Variants in RBFOX3 observed in about 807,000 individuals in gnomAD.
RBFOX3 encodes the protein RNA binding protein fox-1 homolog 3.
Under a neutral mutation model 48.7 loss-of-function variants are expected in RBFOX3, and 17 were observed. The ratio of observed to expected loss-of-function variants is 0.35; its 90% CI spans 0.24 to 0.52. The LOEUF is 0.52. Ranked by LOEUF, RBFOX3 falls within the 20% of genes least tolerant of loss-of-function variation. The pLI is 0.94. For synonymous variants in RBFOX3, 212 were observed against 209.5 expected, an observed-to-expected ratio of 1.01 and a Z score of -0.10; for missense variants, 382 against 497.5, an observed-to-expected ratio of 0.77 and a Z score of 2.21.
chr17:79,607,923 A>G lies in RBFOX3; in HGVS notation c.-320+2903T>C, dbSNP rs1016356531. On this transcript the variant is annotated intron_variant, in intron 1 of 14. Transcript: ENST00000693108. ...AAGTTGAGTAAGTGACAGGCGCAGG[A>G]CAGAAGGCCCACTCTGGAATGGTAC... Among the ~76,000 whole-genome samples, 762 of 152,326 alleles carry G rather than the reference A, an allele frequency of 5.0e-3. 5 individuals carry two copies. The highest frequency in any genetic ancestry group is 0.018 in the African/African-American group (736 of 41,588).
In RBFOX3 at chr17:79,440,452, T is replaced by C. The variant is rs113731665; in HGVS notation, c.-175+42002A>G. Among the ~76,000 whole-genome samples the C allele has an allele frequency of 6.4e-3, 974 of 152,228 alleles. 12 individuals are homozygous for C. Among genetic ancestry groups the C allele is most frequent in the African/African-American group, 0.022 (910 of 41,534 alleles). On this transcript the variant is annotated intron_variant, in intron 2 of 14. Transcript: ENST00000693108. ...CAGCTCCCTGCCAGCTGGGGCTCCA[T>C]TGGCTATACCTGGGCCGGCCGAAGC...
intron 4 of RBFOX3, among the ~76,000 whole-genome samples, chr17:79,143,816 C>A (rs758043723): frequency 2.0e-5 from 3 of 152,248 alleles, no homozygotes; most frequent in Non-Finnish European, 2.9e-5. Context: ...CTCATGAAGA[C>A]CCCCTCCATT....
chr17:79,349,425 C>T (rs1459355912), intron 2 of RBFOX3, among the ~76,000 whole-genome samples: 1 of 152,040 alleles, frequency 6.6e-6, no homozygotes, highest in African/African-American at 2.4e-5. Flanking sequence ...TCTGTCACCT[C>T]TCACTCTCCT....
intron 1 of RBFOX3, among the ~76,000 whole-genome samples, chr17:79,575,739 A>G (rs1297273250): frequency 9.2e-5 from 14 of 152,344 alleles, no homozygotes; most frequent in African/African-American, 3.4e-4. Context: ...AGAAAGAGCT[A>G]AGTCCTTGCC....
At chr17:79,132,147 G>A (rs745784333) in intron 4 of RBFOX3, among the ~76,000 whole-genome samples, 2 of 151,838 alleles carry the variant, frequency 1.3e-5, no homozygotes, top group South Asian at 2.1e-4. Flanking sequence ...TCAGACGGAC[G>A]GAAACACCAA....
chr17:79,218,644 G>T (rs760646671), intron 4 of RBFOX3, among the ~76,000 whole-genome samples: 3 of 152,174 alleles, frequency 2.0e-5, no homozygotes, highest in Non-Finnish European at 2.9e-5. Context: ...GCTCACACAC[G>T]CCAGGTCAGG....
At chr17:79,644,837 A>T in the RBFOX3 span, among the ~76,000 whole-genome samples, 8 of 152,188 alleles carry the variant, frequency 5.3e-5, no homozygotes, top group Non-Finnish European at 7.4e-5. Flanking sequence ...CTTCCACTCA[A>T]TATAGAAATT....
chr17:79,114,989 T>C (rs2033428659), intron 5 of RBFOX3, among the ~76,000 whole-genome samples: 1 of 152,172 alleles, frequency 6.6e-6, no homozygotes, highest in African/African-American at 2.4e-5. Context: ...AGCTATCTGA[T>C]TGGAGGCCAG....
intron 5 of RBFOX3, among the ~76,000 whole-genome samples, chr17:79,114,922 T>C (rs2033406779): frequency 6.6e-6 from 1 of 152,208 alleles, no homozygotes; most frequent in African/African-American, 2.4e-5. Context: ...TCAGGAAATC[T>C]GAGAAGTGAG....
chr17:79,648,352 G>A, the RBFOX3 span, among the ~76,000 whole-genome samples: 1 of 152,156 alleles, frequency 6.6e-6, no homozygotes, highest in Non-Finnish European at 1.5e-5. Flanking sequence ...TCACGGGCAC[G>A]TCCTCCCCAG....
chr17:79,610,844 G>C lies in RBFOX3; in HGVS notation c.-338C>G, dbSNP rs1397890349. ...TACTCACGGGCTCAGCGCTCCCCGCGGCAGGTGACTGGGGGCCGGCGGCCA... is the reference window on the plus strand; with the variant it reads ...TACTCACGGGCTCAGCGCTCCCCGCCGCAGGTGACTGGGGGCCGGCGGCCA... On this transcript the variant is annotated 5_prime_UTR_variant, in exon 1 of 15. Transcript: ENST00000693108. Among the ~76,000 whole-genome samples, 3 of 151,804 alleles carry C rather than the reference G, an allele frequency of 2.0e-5. No homozygotes were observed. The highest frequency in any genetic ancestry group is 7.2e-5 in the African/African-American group (3 of 41,402).
intron 4 of RBFOX3, among the ~76,000 whole-genome samples, chr17:79,182,000 CAA>C (rs71161649): frequency 3.9e-4 from 53 of 134,620 alleles, no homozygotes; most frequent in Non-Finnish European, 6.1e-4. Context: ...CACACACACA[CAA>C]ACACACAATC....
chr17:79,156,369 G>A (rs2045799416), intron 4 of RBFOX3, among the ~76,000 whole-genome samples: 3 of 152,134 alleles, frequency 2.0e-5, no homozygotes, highest in Admixed American at 2.0e-4. Context: ...ACCAGAGGAA[G>A]AGCCCCTGGT....
intron 1 of RBFOX3, among the ~76,000 whole-genome samples, chr17:79,610,508 G>A (rs1406371806): frequency 6.6e-6 from 1 of 151,862 alleles, no homozygotes; most frequent in Non-Finnish European, 1.5e-5. Flanking sequence ...CAGCGCGCGG[G>A]ACTCCCTGGC....
rs1016575622 is a variant in RBFOX3 at position 79,254,422 on chromosome 17, C to A, written c.-73-18617G>T. 6.6e-6 allele frequency among the ~76,000 whole-genome samples: 1 copy of A among 152,052 alleles called. No homozygotes were observed. Among genetic ancestry groups the A allele is most frequent in the African/African-American group, 2.4e-5 (1 of 41,396 alleles). On this transcript the variant is annotated intron_variant, in intron 3 of 14. Coordinates refer to ENST00000693108, the MANE Select transcript of RBFOX3 (RefSeq NM_001350451.2). The surrounding 1 kb of genome is among the most constrained non-coding windows in gnomAD (Gnocchi z 4.8). ...CTGCCCCCCAATCCAGGACACATGG[C>A]ACCAGGGCCCAGCCTTGAGACCAAC...
intron 1 of RBFOX3, among the ~76,000 whole-genome samples, chr17:79,590,276 C>T (rs2093379857): frequency 6.6e-6 from 1 of 152,196 alleles, no homozygotes; most frequent in Non-Finnish European, 1.5e-5. Flanking sequence ...TGGAAACTTT[C>T]ACATTACTGT....
At chr17:79,383,050 A>ACACACACG (rs2060128635) in intron 2 of RBFOX3, among the ~76,000 whole-genome samples, 1 of 151,546 alleles carries the variant, frequency 6.6e-6, no homozygotes, top group African/African-American at 2.4e-5. Flanking sequence ...ACACACACAC[A>ACACACACG]CACACACACA....
intron 2 of RBFOX3, among the ~76,000 whole-genome samples, chr17:79,394,871 G>C (rs1259577465): frequency 6.6e-6 from 1 of 152,240 alleles, no homozygotes; most frequent in African/African-American, 2.4e-5. Flanking sequence ...TATGAGAAGA[G>C]CTAGGAGAAG....
Position 79,090,745 on chromosome 17 carries a change from G to GAC in RBFOX3, c.*137_*138insGT. 9.1e-7 allele frequency: 1 copy of GAC among 1,099,918 alleles called. No homozygotes were observed. The highest frequency in any genetic ancestry group is 1.3e-6 in the Non-Finnish European group (1 of 780,016). 68.1% of individuals were successfully genotyped at this position (1,099,918 alleles called of 1,614,324 possible). A position where few individuals can be genotyped will look rare whatever the true frequency, so the allele number is the denominator to read the frequency against. On this transcript the variant is annotated 3_prime_UTR_variant, in exon 15 of 15. Transcript: ENST00000693108. ...GGCCAGGACGCGGGACTTGGACTTGGTTGGATGCCTCTTGGTTTGGTTGGT... is the reference window on the plus strand; with the variant it reads ...GGCCAGGACGCGGGACTTGGACTTGGACTTGGATGCCTCTTGGTTTGGTTGGT...
Sources: gnomAD v4.1 joint callset for allele counts (sites outside exome capture counted in the v4.1 genomes callset) on GRCh38, gnomAD v4.1.1 for gene constraint, Gnocchi (gnomAD v3.1) non-coding constraint, MANE v1.5 for transcripts, NCBI Gene and HGNC (gene_info 2026-07-23, HGNC 2026-07-21) for gene names.